The following PITPNB variants were observed in gnomAD, a reference collection of about 807,000 sequenced individuals.
PITPNB encodes the protein phosphatidylinositol transfer protein beta isoform.
Under a neutral mutation model 45.9 loss-of-function variants are expected in PITPNB, and 16 were observed. The ratio of observed to expected loss-of-function variants is 0.35; its 90% CI spans 0.24 to 0.53. The LOEUF (loss-of-function observed/expected upper bound fraction) is 0.53. Among genes scored for constraint, PITPNB ranks in the 20% least tolerant of loss-of-function variants. The probability of loss-of-function intolerance (pLI) is 0.93; values close to 1 mark genes in which losing one functional copy is unlikely to be tolerated. For synonymous variants in PITPNB, 112 were observed against 108.9 expected (o/e 1.03, Z -0.18); for missense variants, 188 against 330.5 (o/e 0.57, Z 3.34).
intron 8 of PITPNB, among the ~76,000 whole-genome samples, chr22:27,865,075 A>C (rs1934445763): frequency 6.6e-6 from 1 of 152,248 alleles, no homozygotes; most frequent in Non-Finnish European, 1.5e-5. Context: ...TACAGGAATC[A>C]GAAAATATAC....
chr22:27,896,981 ATGTGGTAGAG>A (rs1398599764), intron 5 of PITPNB, 139 bp downstream of exon 5: 3 of 709,264 alleles, frequency 4.2e-6, no homozygotes, highest in Non-Finnish European at 7.7e-6. Context: ...CACTGGGAAC[ATGTGGTAGAG>A]TGTGGCGGCT....
chr22:27,896,488 G>T lies in PITPNB; in HGVS notation c.372+64C>A. 3.8e-6 allele frequency: 4 copies of T among 1,042,658 alleles called. No individual in the cohort carries two copies. In the South Asian group the frequency reaches 3.8e-5, roughly 10 times the overall value. The allele number at this position is 1,042,658 out of a possible 1,614,324, so 64.6% of individuals were successfully genotyped here. On this transcript the variant is annotated intron_variant, in intron 6 of 11. Coordinates refer to ENST00000335272, the MANE Select transcript of PITPNB (RefSeq NM_012399.5). ...GACATTACTTTGATGATGACAAAGT[G>T]AACTACATATAGAATTCTCGTTTCC...
At chr22:27,911,712 T>C (rs922811294) in intron 2 of PITPNB, among the ~76,000 whole-genome samples, 5 of 152,334 alleles carry the variant, frequency 3.3e-5, no homozygotes, top group African/African-American at 9.6e-5. Context: ...CTTCTTCAGC[T>C]AACCAGAAAC....
chr22:27,892,691 G>C (rs1432468422), intron 7 of PITPNB, among the ~76,000 whole-genome samples: 1 of 152,084 alleles, frequency 6.6e-6, no homozygotes, highest in Non-Finnish European at 1.5e-5. Context: ...AGAAATAAAA[G>C]GGCATAACAG....
chr22:27,865,744 T>A (rs1435685302), intron 8 of PITPNB, among the ~76,000 whole-genome samples: 1 of 151,648 alleles, frequency 6.6e-6, no homozygotes, highest in African/African-American at 2.4e-5. Context: ...AGATAACTAT[T>A]GGGTATGGGC....
intron 3 of PITPNB, among the ~76,000 whole-genome samples, chr22:27,898,535 T>C (rs908565344): frequency 1.3e-5 from 2 of 152,098 alleles, no homozygotes. Flanking sequence ...TAATACAATG[T>C]AGTTCTTAAG....
chr22:27,906,747 C>CT (rs1260487125), intron 3 of PITPNB, among the ~76,000 whole-genome samples: 5 of 152,300 alleles, frequency 3.3e-5, no homozygotes, highest in Admixed American at 3.3e-4. Context: ...AACACTCACT[C>CT]TAAGTTATCA....
intron 10 of PITPNB, among the ~76,000 whole-genome samples, chr22:27,855,578 C>T (rs1330273985): frequency 1.3e-5 from 2 of 152,150 alleles, no homozygotes; most frequent in African/African-American, 4.8e-5. Context: ...CAAACAAATG[C>T]AATAAATACG....
intron 8 of PITPNB, among the ~76,000 whole-genome samples, chr22:27,872,532 G>A (rs1012592113): frequency 1.3e-5 from 2 of 152,152 alleles, no homozygotes; most frequent in Non-Finnish European, 2.9e-5. Flanking sequence ...ATATAGTTAT[G>A]AATCATTTCT....
At chr22:27,907,286 G>A (rs1218349457) in intron 3 of PITPNB, among the ~76,000 whole-genome samples, 1 of 152,174 alleles carries the variant, frequency 6.6e-6, no homozygotes, top group Admixed American at 6.5e-5. Flanking sequence ...GGCTTGCCTT[G>A]GGATGGAGGT....
intron 8 of PITPNB, 71 bp from the exon 9 acceptor site, chr22:27,860,312 T>A: frequency 3.5e-6 from 3 of 853,278 alleles, no homozygotes; most frequent in Non-Finnish European, 5.7e-6. Context: ...TTGACTGTTG[T>A]ATAACGACAT....
intron 8 of PITPNB, among the ~76,000 whole-genome samples, chr22:27,861,795 C>A (rs1431809860): frequency 6.6e-6 from 1 of 152,252 alleles, no homozygotes; most frequent in Non-Finnish European, 1.5e-5. Flanking sequence ...TGAGGTTGTG[C>A]GGACTGAGTA....
intron 3 of PITPNB, 102 bp downstream of exon 3, chr22:27,910,862 G>T: frequency 1.3e-6 from 1 of 781,836 alleles, no homozygotes; most frequent in Non-Finnish European, 2.2e-6. Flanking sequence ...TTATCAAACT[G>T]AAATTAAAAA....
At chr22:27,907,736 G>A (rs1935805361) in intron 3 of PITPNB, among the ~76,000 whole-genome samples, 1 of 152,120 alleles carries the variant, frequency 6.6e-6, no homozygotes, top group Non-Finnish European at 1.5e-5. Flanking sequence ...TCAGGCATCT[G>A]GGACTTGATG....
At chr22:27,917,629 C>T (rs548865298) in intron 1 of PITPNB, among the ~76,000 whole-genome samples, 6 of 152,334 alleles carry the variant, frequency 3.9e-5, no homozygotes, top group African/African-American at 1.4e-4. Flanking sequence ...AAATCCCTGT[C>T]ACTGACCAAA....
At chr22:27,901,379 A>C (rs1935588562) in intron 3 of PITPNB, among the ~76,000 whole-genome samples, 1 of 152,190 alleles carries the variant, frequency 6.6e-6, no homozygotes, top group African/African-American at 2.4e-5. Flanking sequence ...TAAACCACAC[A>C]AGCAAGACAA....
intron 7 of PITPNB, among the ~76,000 whole-genome samples, chr22:27,876,638 G>T (rs1032524531): frequency 1.3e-5 from 2 of 152,088 alleles, no homozygotes; most frequent in Non-Finnish European, 2.9e-5. Flanking sequence ...CTAATTTTTT[G>T]AACAGTATTT....
chr22:27,910,687 G>A lies in PITPNB; in HGVS notation c.197+277C>T, dbSNP rs1935895156. ...ATATATACAGAAAATGATCTAGAAA[G>A]ATAAACTCTAAGCTGCTTCTAGTGT... is the stretch of plus-strand genomic sequence containing the variant. On this transcript the variant is annotated intron_variant, in intron 3 of 11. Transcript: ENST00000335272. 1.4e-5 allele frequency: 4 copies of A among 289,548 alleles called. No homozygotes were observed. The East Asian group carries it at 2.5e-4, about 18-fold the overall frequency. 17.9% of individuals were successfully genotyped at this position (289,548 alleles called of 1,614,324 possible).
chr22:27,903,343 C>T (rs1025022373), intron 3 of PITPNB, among the ~76,000 whole-genome samples: 1 of 151,654 alleles, frequency 6.6e-6, no homozygotes, highest in African/African-American at 2.4e-5. Flanking sequence ...GTGGTGCATG[C>T]CTGTAATACC....
Sources: allele counts gnomAD v4.1 joint callset (sites outside exome capture counted in the v4.1 genomes callset), GRCh38; gene constraint gnomAD v4.1.1; transcripts MANE v1.5; gene names NCBI Gene and HGNC (gene_info 2026-07-23, HGNC 2026-07-21).